PRR11: variants seen among roughly 807,000 people sequenced by gnomAD.
PRR11 encodes proline-rich protein 11.
Under a neutral mutation model 45.6 loss-of-function variants are expected in PRR11, and 30 were observed. The ratio of observed to expected loss-of-function variants is 0.66; its 90% CI spans 0.49 to 0.89. The LOEUF is 0.89. Ranked by LOEUF, PRR11 falls within the 40% of genes least tolerant of loss-of-function variation. The pLI, the probability that PRR11 is intolerant of heterozygous loss-of-function variation, is 0.00. For missense variants in PRR11, 373 were observed against 424.8 expected, an observed-to-expected ratio of 0.88 and a Z score of 1.07; for synonymous variants, 128 against 153.5, an observed-to-expected ratio of 0.83 and a Z score of 1.23.
chr17:59,164,326 A>G (rs2046668644), intron 1 of PRR11, among the ~76,000 whole-genome samples: 1 of 152,082 alleles, frequency 6.6e-6, no homozygotes, highest in Non-Finnish European at 1.5e-5. Flanking sequence ...TATCACCATT[A>G]TCCTGAAAAT....
At chr17:59,177,462 G>A (rs1423511808) in intron 2 of PRR11, among the ~76,000 whole-genome samples, 1 of 152,178 alleles carries the variant, frequency 6.6e-6, no homozygotes, top group Non-Finnish European at 1.5e-5. Context: ...AGGCATGTTG[G>A]TGATGCTCCC....
intron 1 of PRR11, among the ~76,000 whole-genome samples, chr17:59,163,102 T>C (rs926657042): frequency 2.0e-5 from 3 of 151,650 alleles, no homozygotes; most frequent in African/African-American, 7.3e-5. Context: ...CTTATACTTT[T>C]TTTTTTTAGA....
intron 1 of PRR11, among the ~76,000 whole-genome samples, chr17:59,165,057 G>A (rs542364958): frequency 2.3e-4 from 35 of 152,078 alleles, no homozygotes; most frequent in Non-Finnish European, 4.7e-4. Context: ...GTCTCGCTCC[G>A]TCGCCCACGC....
intron 9 of PRR11, 107 bp from the exon 10 acceptor site, chr17:59,201,456 G>C (rs1179597204): frequency 9.9e-6 from 11 of 1,115,910 alleles, no homozygotes; most frequent in Middle Eastern, 2.0e-4. Context: ...TTTACAATCT[G>C]AATGCAGTGT....
intron 1 of PRR11, among the ~76,000 whole-genome samples, chr17:59,162,059 T>C (rs2046655184): frequency 6.6e-6 from 1 of 152,210 alleles, no homozygotes; most frequent in Non-Finnish European, 1.5e-5. Flanking sequence ...GAGCTGTGAT[T>C]ATTTTTGGAT....
intron 5 of PRR11, among the ~76,000 whole-genome samples, 168 bp from the exon 6 acceptor site, chr17:59,194,589 G>A (rs1479828558): frequency 6.6e-6 from 1 of 152,036 alleles, no homozygotes; most frequent in African/African-American, 2.4e-5. Flanking sequence ...CTTTTCAATG[G>A]GTGATAAAAA....
intron 2 of PRR11, among the ~76,000 whole-genome samples, chr17:59,182,832 T>TG (rs1355434617): frequency 6.6e-6 from 1 of 152,142 alleles, no homozygotes; most frequent in Non-Finnish European, 1.5e-5. Flanking sequence ...CTCCTCATCC[T>TG]GGGGGTGCGG....
At chr17:59,178,129 T>C (rs995196571) in intron 2 of PRR11, among the ~76,000 whole-genome samples, 2 of 151,634 alleles carry the variant, frequency 1.3e-5, no homozygotes, top group African/African-American at 4.9e-5. Flanking sequence ...AGGTCAGGTG[T>C]TCAAGACCAG....
chr17:59,187,207 A>AAAAAT (rs924968298), intron 4 of PRR11, among the ~76,000 whole-genome samples: 9 of 152,094 alleles, frequency 5.9e-5, no homozygotes, highest in African/African-American at 2.2e-4. Context: ...AGACTGTCTC[A>AAAAAT]AAAATAAAAT....
At chr17:59,163,005 A>G (rs2046661405) in intron 1 of PRR11, among the ~76,000 whole-genome samples, 2 of 151,028 alleles carry the variant, frequency 1.3e-5, no homozygotes, top group South Asian at 2.1e-4. Flanking sequence ...GCTGGGTTAC[A>G]GGCATGAGCC....
chr17:59,174,966 A>C, intron 2 of PRR11: 1 of 837,738 alleles, frequency 1.2e-6, no homozygotes, highest in Non-Finnish European at 1.9e-6. Context: ...TACCTCCTCC[A>C]ACTACTCCAG....
At chr17:59,200,785 C>G (rs2046888747) in intron 9 of PRR11, among the ~76,000 whole-genome samples, 1 of 152,112 alleles carries the variant, frequency 6.6e-6, no homozygotes, top group Non-Finnish European at 1.5e-5. Flanking sequence ...AGCCACCGGG[C>G]CCAGCCTGTT....
At chr17:59,174,214 G>A (rs559715349) in intron 2 of PRR11, among the ~76,000 whole-genome samples, 1 of 152,184 alleles carries the variant, frequency 6.6e-6, no homozygotes, top group Non-Finnish European at 1.5e-5. Flanking sequence ...CAAAGAATGT[G>A]GCTTTGGACT....
At chr17:59,195,721 A>G (rs2046862753) in intron 7 of PRR11, among the ~76,000 whole-genome samples, 1 of 152,100 alleles carries the variant, frequency 6.6e-6, no homozygotes, top group Admixed American at 6.6e-5. Context: ...CCATTTAAAG[A>G]TGCTGTTTAT....
chr17:59,179,802 C>G, intron 2 of PRR11: 4 of 1,359,214 alleles, frequency 2.9e-6, no homozygotes, highest in Admixed American at 1.7e-5. Context: ...TCCGATGACT[C>G]CTCAGATTCG....
intron 7 of PRR11, among the ~76,000 whole-genome samples, chr17:59,197,172 C>T (rs2046870414): frequency 6.6e-6 from 1 of 151,986 alleles, no homozygotes; most frequent in Admixed American, 6.6e-5. Context: ...TAATGTAACA[C>T]ATAGAACTAC....
intron 2 of PRR11, among the ~76,000 whole-genome samples, chr17:59,182,072 G>C (rs1486829137): frequency 2.0e-5 from 3 of 151,196 alleles, no homozygotes; most frequent in African/African-American, 7.3e-5. Context: ...TTGTCGCCCG[G>C]GCTGGAGTGT....
chr17:59,195,603 A>T (rs569533046), intron 7 of PRR11, among the ~76,000 whole-genome samples, 160 bp downstream of exon 7: 156 of 152,324 alleles, frequency 1.0e-3, no homozygotes, highest in African/African-American at 3.1e-3. Context: ...AGAAAAGTTT[A>T]AAAAAGAAAA....
chr17:59,177,156 G>A (rs532100733), intron 2 of PRR11: 2 of 550,916 alleles, frequency 3.6e-6, no homozygotes, highest in Admixed American at 1.9e-5. Flanking sequence ...ATAGGAGGAA[G>A]CAAACCACTC....
Sources: gnomAD v4.1 joint callset for allele counts (sites outside exome capture counted in the v4.1 genomes callset) on GRCh38, gnomAD v4.1.1 for gene constraint, MANE v1.5 for transcripts, NCBI Gene and HGNC (gene_info 2026-07-23, HGNC 2026-07-21) for gene names.